Variants in SH3RF3 observed in about 807,000 individuals in gnomAD.
SH3RF3 encodes the protein SH3 domain containing ring finger 3.
In SH3RF3, 29 loss-of-function variants were observed where a neutral mutation model predicts 66.3. That is an observed-to-expected ratio of 0.44 (90% CI 0.33 to 0.60). The LOEUF (loss-of-function observed/expected upper bound fraction) is 0.60. Among genes scored for constraint, SH3RF3 ranks in the 20% least tolerant of loss-of-function variants. The pLI is 0.04. For missense variants in SH3RF3, 1,194 were observed against 1,190.9 expected (o/e 1.00, Z -0.04); for synonymous variants, 583 against 532.0 (o/e 1.10, Z -1.32).
intron 1 of SH3RF3, among the ~76,000 whole-genome samples, chr2:109,136,210 C>CT: frequency 6.6e-6 from 1 of 151,150 alleles, no homozygotes; most frequent in East Asian, 1.9e-4. Context: ...TTAACATGAT[C>CT]TTTTTTGAGG....
intron 3 of SH3RF3, among the ~76,000 whole-genome samples, chr2:109,388,224 T>A (rs2104402865): frequency 6.6e-6 from 1 of 152,348 alleles, no homozygotes; most frequent in South Asian, 2.1e-4. Context: ...CCATAGTAAC[T>A]GAGTTGTCTT....
chr2:109,209,704 A>G (rs1210098981), intron 1 of SH3RF3, among the ~76,000 whole-genome samples: 1 of 152,172 alleles, frequency 6.6e-6, no homozygotes, highest in East Asian at 1.9e-4. Flanking sequence ...TCACTACAAA[A>G]TGTAGCTTTT....
At chr2:109,396,436 G>A (rs1157026936) in intron 3 of SH3RF3, among the ~76,000 whole-genome samples, 3 of 152,228 alleles carry the variant, frequency 2.0e-5, no homozygotes, top group Non-Finnish European at 4.4e-5. Flanking sequence ...TGCCTGGGCC[G>A]GGTCTGAAGG....
chr2:109,153,717 C>T (rs1348766353), intron 1 of SH3RF3, among the ~76,000 whole-genome samples: 3 of 152,312 alleles, frequency 2.0e-5, no homozygotes, highest in African/African-American at 7.2e-5. Context: ...GTGTACTTGT[C>T]TGCTGTGCGT....
intron 1 of SH3RF3, among the ~76,000 whole-genome samples, chr2:109,131,959 C>G (rs768177764): frequency 2.0e-5 from 3 of 152,186 alleles, no homozygotes; most frequent in Non-Finnish European, 4.4e-5. Context: ...GCATTAGGTC[C>G]AGCACATGCT....
At chr2:109,223,283 G>T (rs1250712540) in intron 1 of SH3RF3, among the ~76,000 whole-genome samples, 1 of 152,216 alleles carries the variant, frequency 6.6e-6, no homozygotes, top group Non-Finnish European at 1.5e-5. Context: ...CTCAGAGGCT[G>T]CGTGAGCACC....
At chr2:109,303,827 G>C (rs1034247584) in intron 1 of SH3RF3, among the ~76,000 whole-genome samples, 2 of 152,180 alleles carry the variant, frequency 1.3e-5, no homozygotes, top group Non-Finnish European at 2.9e-5. Flanking sequence ...TCAAGACCGT[G>C]AACAAGTTCA....
At chr2:109,172,068 C>T (rs1234631957) in intron 1 of SH3RF3, among the ~76,000 whole-genome samples, 1 of 152,160 alleles carries the variant, frequency 6.6e-6, no homozygotes, top group Non-Finnish European at 1.5e-5. Flanking sequence ...GTTTGGAGCA[C>T]GAGGGAAAAC....
At chr2:109,171,689 C>T (rs556368040) in intron 1 of SH3RF3, among the ~76,000 whole-genome samples, 3 of 152,346 alleles carry the variant, frequency 2.0e-5, no homozygotes, top group African/African-American at 4.8e-5. Flanking sequence ...TTTGGGAGTT[C>T]GGTGCAGCTA....
At position 109,463,832 on chromosome 2, in the gene SH3RF3, C is replaced by T. The variant is rs559086147; in HGVS notation, c.2148+14343C>T. ...AGGGAATTGTCCCTCAGTGGAGGCC[C>T]CTTTCTCCCTGTCACAACTGATTCC... On this transcript the variant is annotated intron_variant, in intron 8 of 9. Transcript: ENST00000309415. 1.1e-4 allele frequency among the ~76,000 whole-genome samples: 16 copies of T among 152,282 alleles called. 1 individual carries two copies. In the South Asian group the frequency reaches 3.3e-3, roughly 32 times the overall value.
At chr2:109,326,089 C>T (rs765438803) in intron 1 of SH3RF3, among the ~76,000 whole-genome samples, 43 of 152,216 alleles carry the variant, frequency 2.8e-4, no homozygotes, top group Admixed American at 1.3e-4. Flanking sequence ...ATTTTCTCCA[C>T]CATGGTAAAA....
Position 109,484,067 on chromosome 2 carries a change from CTT to C in SH3RF3, c.2149-6521_2149-6520del, listed in dbSNP as rs562496561. 9.4e-3 allele frequency among the ~76,000 whole-genome samples: 882 copies of C among 94,308 alleles called. 4 individuals carry two copies. Among genetic ancestry groups the C allele is most frequent in the Non-Finnish European group, 0.012 (564 of 46,868 alleles). 61.9% of individuals were successfully genotyped at this position (94,308 alleles called of 152,430 possible). On this transcript the variant is annotated intron_variant, in intron 8 of 9. Coordinates refer to ENST00000309415, the MANE Select transcript of SH3RF3 (RefSeq NM_001099289.3). ...CAAGGTGTGCCATCCTCTGGCCTTT[CTT>C]TTTTTTTTTTTTTTTTGAGACCGAG... is the stretch of plus-strand genomic sequence containing the variant.
chr2:109,389,917 C>T (rs916482150), intron 3 of SH3RF3, among the ~76,000 whole-genome samples: 4 of 152,164 alleles, frequency 2.6e-5, no homozygotes, highest in African/African-American at 9.7e-5. Context: ...GGCCATCTGC[C>T]TTCTCCTGAA....
At chr2:109,191,188 T>G (rs1008802791) in intron 1 of SH3RF3, among the ~76,000 whole-genome samples, 1 of 152,070 alleles carries the variant, frequency 6.6e-6, no homozygotes, top group African/African-American at 2.4e-5. Flanking sequence ...GGAGGAAGGA[T>G]GCAGTGATGC....
At chr2:109,270,364 G>A (rs770923490) in intron 1 of SH3RF3, among the ~76,000 whole-genome samples, 6 of 152,198 alleles carry the variant, frequency 3.9e-5, no homozygotes, top group East Asian at 1.9e-4. Context: ...GCTGCCTAGC[G>A]GGATAGGCAG....
chr2:109,355,412 A>G (rs1286732586), intron 2 of SH3RF3, among the ~76,000 whole-genome samples: 1 of 152,174 alleles, frequency 6.6e-6, no homozygotes, highest in East Asian at 1.9e-4. Flanking sequence ...CTCTGACCAA[A>G]TCCTGCCTGC....
chr2:109,420,436 G>T (rs1676842771), intron 5 of SH3RF3, among the ~76,000 whole-genome samples: 1 of 151,910 alleles, frequency 6.6e-6, no homozygotes. Flanking sequence ...TGTTGTTGTT[G>T]TTTTTGTTTT....
At chr2:109,219,195 C>T (rs765910263) in intron 1 of SH3RF3, among the ~76,000 whole-genome samples, 1 of 152,214 alleles carries the variant, frequency 6.6e-6, no homozygotes. Flanking sequence ...ATGGGAGGAT[C>T]CTGAACTTGG....
At chr2:109,207,774 A>G (rs780651757) in intron 1 of SH3RF3, among the ~76,000 whole-genome samples, 38 of 152,196 alleles carry the variant, frequency 2.5e-4, no homozygotes, top group Non-Finnish European at 4.9e-4. Context: ...AACTGTATTC[A>G]GGTTTATAAC....
Sources: allele counts gnomAD v4.1 joint callset (sites outside exome capture counted in the v4.1 genomes callset), GRCh38; gene constraint gnomAD v4.1.1; transcripts MANE v1.5; gene names NCBI Gene and HGNC (gene_info 2026-07-23, HGNC 2026-07-21).